Variants in PLCZ1 observed in about 807,000 individuals in gnomAD.
PLCZ1 encodes the protein 1-phosphatidylinositol 4,5-bisphosphate phosphodiesterase zeta-1.
Under a neutral mutation model 76.8 loss-of-function variants are expected in PLCZ1, and 64 were observed. The ratio of observed to expected loss-of-function variants is 0.83; its 90% CI spans 0.68 to 1.03. The LOEUF (loss-of-function observed/expected upper bound fraction) is 1.03. Ranked by LOEUF, PLCZ1 falls within the 50% of genes least tolerant of loss-of-function variation. The pLI, the probability that PLCZ1 is intolerant of heterozygous loss-of-function variation, is 0.00. For synonymous variants in PLCZ1, 248 were observed against 230.8 expected, an observed-to-expected ratio of 1.07 and a Z score of -0.68; for missense variants, 751 against 713.7, an observed-to-expected ratio of 1.05 and a Z score of -0.60.
intron 3 of PLCZ1, among the ~76,000 whole-genome samples, chr12:18,731,271 T>G (rs1309004890): frequency 6.6e-6 from 1 of 152,012 alleles, no homozygotes; most frequent in East Asian, 1.9e-4. Context: ...GTAAAGATAC[T>G]GTCTCCTTCC....
intron 5 of PLCZ1, among the ~76,000 whole-genome samples, chr12:18,716,137 T>G (rs1174237887): frequency 6.6e-6 from 1 of 152,216 alleles, no homozygotes; most frequent in Non-Finnish European, 1.5e-5. Flanking sequence ...AATGTTTGCT[T>G]TCCTGACTCG....
the PLCZ1 span, among the ~76,000 whole-genome samples, chr12:18,672,844 G>A: frequency 2.6e-4 from 39 of 152,260 alleles, 1 homozygote; most frequent in Middle Eastern, 0.01. Context: ...AGTCCATTCA[G>A]GGCTACTACC....
the PLCZ1 span, among the ~76,000 whole-genome samples, chr12:18,674,025 T>C: frequency 6.6e-6 from 1 of 152,180 alleles, no homozygotes; most frequent in Non-Finnish European, 1.5e-5. Context: ...AGGCAGTGGA[T>C]TACACAAAGC....
intron 6 of PLCZ1, among the ~76,000 whole-genome samples, chr12:18,707,264 T>C (rs148759796): frequency 8.1e-4 from 123 of 152,326 alleles, no homozygotes; most frequent in Middle Eastern, 3.4e-3. Flanking sequence ...ACCTACACAA[T>C]GATCTTCTGA....
chr12:18,654,611 T>C, the PLCZ1 span, among the ~76,000 whole-genome samples: 1 of 152,122 alleles, frequency 6.6e-6, no homozygotes, highest in African/African-American at 2.4e-5. Context: ...TTTGGAAAAT[T>C]TGTGGAACTG....
intron 12 of PLCZ1, 26 bp downstream of exon 12, chr12:18,694,884 T>C (rs773740732): frequency 1.3e-6 from 2 of 1,533,756 alleles, no homozygotes; most frequent in African/African-American, 1.4e-5. Context: ...AACCAAAAAA[T>C]GTAAAAGAAA....
chr12:18,703,568 A>T (rs181343802), intron 7 of PLCZ1, among the ~76,000 whole-genome samples: 1 of 152,322 alleles, frequency 6.6e-6, no homozygotes, highest in Non-Finnish European at 1.5e-5. Context: ...CCTTAGAGAT[A>T]GAGAACCTTG....
intron 12 of PLCZ1, chr12:18,693,953 G>T: frequency 6.6e-7 from 1 of 1,518,540 alleles, no homozygotes; most frequent in South Asian, 1.1e-5. Context: ...CCTCTCTGGT[G>T]CTGACATCAA....
At chr12:18,653,732 C>T in the PLCZ1 span, among the ~76,000 whole-genome samples, 10 of 152,232 alleles carry the variant, frequency 6.6e-5, no homozygotes, top group African/African-American at 2.4e-4. Context: ...AAAGGAAAGA[C>T]ACTCATTATT....
intron 5 of PLCZ1, among the ~76,000 whole-genome samples, 198 bp from the exon 6 acceptor site, chr12:18,713,184 T>C (rs907503192): frequency 1.1e-4 from 16 of 152,270 alleles, no homozygotes; most frequent in African/African-American, 3.8e-4. Flanking sequence ...ATACTATCTG[T>C]GTAGTACAAT....
rs751212547 is a variant in PLCZ1 at position 18,699,833 on chromosome 12, T to C, written c.1135A>G (p.Ile379Val). 3 of 1,613,528 alleles carry C rather than the reference T, an allele frequency of 1.9e-6. No homozygotes were observed. The highest frequency in any genetic ancestry group is 3.3e-5 in the Admixed American group (2 of 59,992). Residue 379 changes from isoleucine to valine, a missense_variant, in exon 10 of 15, where the codon ATT becomes GTT. Physicochemically the swap from Ile to Val is conservative, Grantham distance 29 (BLOSUM62 3). Transcript: ENST00000266505. ...LYQQFNENNS[I>V]GETQARKLSK... ...AGTTTTCGGGCTTGTGTCTCCCCAATAGAATTATTTTCATTAAATTGCTGA... is the reference window on the plus strand; with the variant it reads ...AGTTTTCGGGCTTGTGTCTCCCCAACAGAATTATTTTCATTAAATTGCTGA...
chr12:18,732,194 C>T lies in PLCZ1; in HGVS notation c.135+4027G>A, dbSNP rs200142305. On this transcript the variant is annotated intron_variant, in intron 3 of 14. Coordinates refer to ENST00000266505, the MANE Select transcript of PLCZ1 (RefSeq NM_033123.4). Reference sequence around the variant, plus strand: ...CCCCACAGGGTCTCTCTTTGTCACCCAGGCTAGAGAGCAGCGGTGCCATCA... The same window carrying T: ...CCCCACAGGGTCTCTCTTTGTCACCTAGGCTAGAGAGCAGCGGTGCCATCA... 1.9e-3 allele frequency among the ~76,000 whole-genome samples: 282 copies of T among 152,236 alleles called. 1 individual carries two copies. Among genetic ancestry groups the T allele is most frequent in the African/African-American group, 6.5e-3 (271 of 41,546 alleles).
At position 18,693,235 on chromosome 12, in the gene PLCZ1, A is replaced by G. The variant is rs142418070; in HGVS notation, c.1461+1675T>C. 1.8e-4 allele frequency: 276 copies of G among 1,557,236 alleles called. No individual in the cohort carries two copies. In the East Asian group the frequency reaches 6.0e-3, roughly 34 times the overall value. ...GAACCTGGCTGCTCGGTCAGGCTCA[A>G]CCACAAGGTGCATACCATGATAGGG... On this transcript the variant is annotated intron_variant, in intron 12 of 14. Coordinates refer to ENST00000266505, the MANE Select transcript of PLCZ1 (RefSeq NM_033123.4).
chr12:18,683,930 G>A (rs1402496620), intron 14 of PLCZ1, among the ~76,000 whole-genome samples, 200 bp downstream of exon 14: 1 of 151,822 alleles, frequency 6.6e-6, no homozygotes, highest in Non-Finnish European at 1.5e-5. Context: ...TAGCCTTCCT[G>A]TCAGTCCCAC....
intron 13 of PLCZ1, among the ~76,000 whole-genome samples, chr12:18,686,360 T>A (rs528142532): frequency 2.0e-5 from 3 of 152,132 alleles, no homozygotes; most frequent in Non-Finnish European, 2.9e-5. Flanking sequence ...CACCTTAGCA[T>A]GGCTTTTGAG....
the PLCZ1 span, among the ~76,000 whole-genome samples, chr12:18,658,040 A>G: frequency 6.6e-6 from 1 of 152,182 alleles, no homozygotes; most frequent in South Asian, 2.1e-4. Flanking sequence ...TTAAAAAATT[A>G]TAACAACTGA....
At chr12:18,708,623 C>A (rs1956919188) in intron 6 of PLCZ1, among the ~76,000 whole-genome samples, 1 of 152,134 alleles carries the variant, frequency 6.6e-6, no homozygotes, top group East Asian at 1.9e-4. Flanking sequence ...ACATTTCCAT[C>A]ATCAGTGTAC....
In PLCZ1 at chr12:18,705,306, A is replaced by G. The variant is rs776341320; in HGVS notation, c.724T>C (p.Tyr242His). The G allele has an allele frequency of 6.2e-7, 1 of 1,614,138 alleles. No individual in the cohort carries two copies. The highest frequency in any genetic ancestry group is 1.7e-5 in the Admixed American group (1 of 60,030). ...IHKYAFMTSD[Y>H]PVVLSLENHC... is the part of the protein sequence containing the mutation. ...TTTTCTAAAGAGAGCACCACTGGGT[A>G]GTCAGATGTCTAAAAAAGTAACCAT... Residue 242 changes from tyrosine to histidine, a missense_variant, in exon 7 of 15, where the codon TAC (tyrosine) becomes CAC (histidine). By Grantham distance (83) the Tyr-to-His change is moderately conservative. Coordinates refer to ENST00000266505, the MANE Select transcript of PLCZ1 (RefSeq NM_033123.4).
chr12:18,668,939 A>G, the PLCZ1 span, among the ~76,000 whole-genome samples: 11 of 152,120 alleles, frequency 7.2e-5, no homozygotes, highest in Non-Finnish European at 1.5e-5. Context: ...TAGATGTGCA[A>G]GAAAAAATCG....
Sources: allele counts gnomAD v4.1 joint callset (sites outside exome capture counted in the v4.1 genomes callset), GRCh38; gene constraint gnomAD v4.1.1; transcripts MANE v1.5; gene names NCBI Gene and HGNC (gene_info 2026-07-23, HGNC 2026-07-21).